TMEM117: variants seen among roughly 807,000 people sequenced by gnomAD.
TMEM117 encodes transmembrane protein 117.
TMEM117 carries 27 observed loss-of-function variants against 52.4 expected under a neutral mutation model. The ratio of observed to expected loss-of-function variants is 0.51; its 90% CI spans 0.38 to 0.71. The LOEUF (loss-of-function observed/expected upper bound fraction) is 0.71, where lower values mean the gene tolerates loss of function less well. Ranked by LOEUF, TMEM117 falls within the 30% of genes least tolerant of loss-of-function variation. TMEM117 has a pLI of 0.00. For missense variants in TMEM117, 556 were observed against 630.5 expected (o/e 0.88, Z 1.26); for synonymous variants, 215 against 206.3 (o/e 1.04, Z -0.36).
chr12:44,139,323 C>T (rs1007604664), intron 3 of TMEM117, among the ~76,000 whole-genome samples: 1 of 152,008 alleles, frequency 6.6e-6, no homozygotes, highest in African/African-American at 2.4e-5. Context: ...GATCAAGACC[C>T]TTACTGTAAG....
intron 3 of TMEM117, among the ~76,000 whole-genome samples, chr12:44,107,307 C>T (rs1015209830): frequency 2.0e-5 from 3 of 152,046 alleles, no homozygotes; most frequent in Non-Finnish European, 4.4e-5. Context: ...AAAAATAACT[C>T]CATGTATATT....
At position 44,234,134 on chromosome 12, in the gene TMEM117, T is replaced by C. The variant is rs138508469; in HGVS notation, c.608+22747T>C. ...GCATCATAAAATCAGTTGGGGATTG[T>C]ATACTCTTTTCCTTCTCAGGAAGGG... On this transcript the variant is annotated intron_variant, in intron 5 of 7. Transcript: ENST00000266534. Among the ~76,000 whole-genome samples, 137 of 151,558 alleles carry C rather than the reference T, an allele frequency of 9.0e-4. 1 individual carries two copies. Among genetic ancestry groups the C allele is most frequent in the African/African-American group, 3.2e-3 (131 of 41,522 alleles).
chr12:44,256,657 C>A (rs1025021011), intron 5 of TMEM117, among the ~76,000 whole-genome samples: 2 of 151,926 alleles, frequency 1.3e-5, no homozygotes, highest in Non-Finnish European at 2.9e-5. Context: ...ATGTCAGAAA[C>A]CCCAAAAAGT....
At chr12:44,087,251 G>A (rs776316848) in intron 3 of TMEM117, among the ~76,000 whole-genome samples, 50 of 151,814 alleles carry the variant, frequency 3.3e-4, no homozygotes, top group South Asian at 6.2e-4. Flanking sequence ...ATCAATATTC[G>A]TATTGCCCTA....
chr12:44,332,440 T>C (rs552243747), intron 6 of TMEM117, among the ~76,000 whole-genome samples: 26 of 152,150 alleles, frequency 1.7e-4, no homozygotes, highest in Admixed American at 4.6e-4. Context: ...CAAGTGGGCT[T>C]ATTTAAGCCT....
intron 2 of TMEM117, among the ~76,000 whole-genome samples, chr12:43,918,081 A>G (rs920289029): frequency 1.3e-5 from 2 of 152,170 alleles, no homozygotes; most frequent in Non-Finnish European, 2.9e-5. Flanking sequence ...ATAGCCTGAG[A>G]TGGAACATAA....
At chr12:44,027,114 ATC>A (rs1565797763) in intron 3 of TMEM117, among the ~76,000 whole-genome samples, 1,282 of 125,018 alleles carry the variant, frequency 0.01, 13 homozygotes, top group Middle Eastern at 0.026. Flanking sequence ...ATTTTATTTT[ATC>A]TTATTATTTT....
At chr12:44,090,840 TTTTTTTTTG>T (rs1179173130) in intron 3 of TMEM117, among the ~76,000 whole-genome samples, 6,938 of 121,006 alleles carry the variant, frequency 0.057, 211 homozygotes, top group Middle Eastern at 0.13. Flanking sequence ...TATTTATGTG[TTTTTTTTTG>T]TTTTTTTTTT....
chr12:43,884,128 C>T (rs1250808133), intron 2 of TMEM117, among the ~76,000 whole-genome samples: 8 of 136,902 alleles, frequency 5.8e-5, no homozygotes, highest in African/African-American at 2.2e-4. Context: ...AGAGTGATAC[C>T]ATCTCAAAAA....
chr12:44,395,648 C>T, the TMEM117 span, among the ~76,000 whole-genome samples: 4 of 152,182 alleles, frequency 2.6e-5, no homozygotes, highest in Non-Finnish European at 4.4e-5. Context: ...GGTAGCCTTA[C>T]ATACAATGAC....
intron 5 of TMEM117, among the ~76,000 whole-genome samples, chr12:44,267,772 T>C (rs1395989605): frequency 6.6e-6 from 1 of 152,336 alleles, no homozygotes; most frequent in East Asian, 1.9e-4. Context: ...TTTGTCCTTT[T>C]GTGTCTGACT....
At chr12:44,082,915 G>A (rs1052567649) in intron 3 of TMEM117, among the ~76,000 whole-genome samples, 1 of 152,048 alleles carries the variant, frequency 6.6e-6, no homozygotes, top group African/African-American at 2.4e-5. Flanking sequence ...GTGTGTATGT[G>A]TATATATAGC....
chr12:44,155,219 G>A (rs1219044534), intron 4 of TMEM117, among the ~76,000 whole-genome samples: 2 of 151,974 alleles, frequency 1.3e-5, no homozygotes, highest in Non-Finnish European at 2.9e-5. Context: ...ACCCCACTGA[G>A]GGTCTCTCTT....
chr12:44,129,713 A>G (rs1374579124), intron 3 of TMEM117, among the ~76,000 whole-genome samples: 1 of 152,178 alleles, frequency 6.6e-6, no homozygotes, highest in African/African-American at 2.4e-5. Context: ...ATTCAGCTAT[A>G]CCATCACTTT....
chr12:44,067,464 A>G (rs1171025419), intron 3 of TMEM117, among the ~76,000 whole-genome samples: 1 of 152,300 alleles, frequency 6.6e-6, no homozygotes, highest in East Asian at 1.9e-4. Flanking sequence ...TCCTTGATCC[A>G]TGGGTTGCAG....
At position 43,906,101 on chromosome 12, in the gene TMEM117, A is replaced by G. The variant is rs536872896; in HGVS notation, c.278-38109A>G. 4.3e-4 allele frequency among the ~76,000 whole-genome samples: 65 copies of G among 152,262 alleles called. 1 individual carries two copies. In the Middle Eastern group the frequency reaches 0.017, roughly 40 times the overall value. ...TTTAAACTCCTACTTTATTTTTTCT[A>G]TTTTATTTCTATTAACACATTCATA... On this transcript the variant is annotated intron_variant, in intron 2 of 7. Coordinates refer to ENST00000266534, the MANE Select transcript of TMEM117 (RefSeq NM_032256.3).
chr12:44,005,210 T>C (rs1366253337), intron 3 of TMEM117, among the ~76,000 whole-genome samples: 5 of 152,200 alleles, frequency 3.3e-5, no homozygotes, highest in Non-Finnish European at 5.9e-5. Context: ...CCTGAAGACC[T>C]CTGTTGCAAA....
chr12:43,800,788 T>G, the TMEM117 span, among the ~76,000 whole-genome samples: 2 of 152,322 alleles, frequency 1.3e-5, no homozygotes, highest in South Asian at 4.1e-4. Context: ...TTTGCTCTTG[T>G]TGCCCAGGCT....
chr12:44,292,198 T>TAAG (rs1391564547), intron 5 of TMEM117, among the ~76,000 whole-genome samples: 1 of 152,022 alleles, frequency 6.6e-6, no homozygotes, highest in African/African-American at 2.4e-5. Flanking sequence ...GTAACTTGTA[T>TAAG]GTTTCTAGGA....
Sources: gnomAD v4.1 joint callset for allele counts (sites outside exome capture counted in the v4.1 genomes callset) on GRCh38, gnomAD v4.1.1 for gene constraint, MANE v1.5 for transcripts, NCBI Gene and HGNC (gene_info 2026-07-23, HGNC 2026-07-21) for gene names.